NDUFAF2: variants seen among roughly 807,000 people sequenced by gnomAD.
The protein encoded by NDUFAF2 is NADH dehydrogenase [ubiquinone] 1 alpha subcomplex assembly factor 2.
In NDUFAF2, 13 loss-of-function variants were observed where a neutral mutation model predicts 22.8. That is an observed-to-expected ratio of 0.57 (90% CI 0.37 to 0.91). The LOEUF (loss-of-function observed/expected upper bound fraction) is 0.91, where lower values mean the gene tolerates loss of function less well. Ranked by LOEUF, NDUFAF2 falls within the 40% of genes least tolerant of loss-of-function variation. The pLI, the probability that NDUFAF2 is intolerant of heterozygous loss-of-function variation, is 0.01. For missense variants in NDUFAF2, 162 were observed against 195.2 expected (o/e 0.83, Z 1.01); for synonymous variants, 53 against 64.2 (o/e 0.83, Z 0.84).
At chr5:61,147,691 T>C (rs1333746834) in intron 3 of NDUFAF2, among the ~76,000 whole-genome samples, 1 of 152,170 alleles carries the variant, frequency 6.6e-6, no homozygotes, top group Admixed American at 6.5e-5. Context: ...CCATTAGTCA[T>C]ATTTGGCTAT....
intron 1 of NDUFAF2, among the ~76,000 whole-genome samples, chr5:60,950,216 C>T (rs1247400045): frequency 6.6e-5 from 10 of 151,914 alleles, no homozygotes; most frequent in Admixed American, 4.6e-4. Context: ...GGTGGAATTT[C>T]GCTCTCGTTG....
chr5:61,004,744 G>T (rs1477220860), intron 1 of NDUFAF2, among the ~76,000 whole-genome samples: 3 of 151,904 alleles, frequency 2.0e-5, no homozygotes, highest in Non-Finnish European at 2.9e-5. Flanking sequence ...AGCTGTTTCA[G>T]ATCCAAGACA....
At chr5:60,964,495 G>A (rs1017638982) in intron 1 of NDUFAF2, among the ~76,000 whole-genome samples, 1 of 148,720 alleles carries the variant, frequency 6.7e-6, no homozygotes, top group East Asian at 2.0e-4. Flanking sequence ...CTGTTGCCCC[G>A]GCTGGAATAC....
At chr5:60,946,316 GAT>G (rs961764844) in intron 1 of NDUFAF2, among the ~76,000 whole-genome samples, 1 of 152,156 alleles carries the variant, frequency 6.6e-6, no homozygotes, top group African/African-American at 2.4e-5. Context: ...GAAAGTTAGA[GAT>G]AATATAAGAT....
chr5:60,968,141 AGTC>A, intron 1 of NDUFAF2, among the ~76,000 whole-genome samples: 1 of 151,992 alleles, frequency 6.6e-6, no homozygotes, highest in East Asian at 1.9e-4. Context: ...TGTTCATAGT[AGTC>A]TTTTATGATC....
rs573407436 is a variant in NDUFAF2 at position 61,127,696 on chromosome 5, G to A, written c.259-25008G>A. ...ACCCACAGCCAATATCATACTGAATGGGCAAAAACTGGAAGCATTCCCTTT... is the reference window on the plus strand; with the variant it reads ...ACCCACAGCCAATATCATACTGAATAGGCAAAAACTGGAAGCATTCCCTTT... On this transcript the variant is annotated intron_variant, in intron 3 of 3. Coordinates refer to ENST00000296597, the MANE Select transcript of NDUFAF2 (RefSeq NM_174889.5). 3.5e-3 allele frequency among the ~76,000 whole-genome samples: 529 copies of A among 152,190 alleles called. 4 individuals carry two copies. The highest frequency in any genetic ancestry group is 0.012 in the African/African-American group (513 of 41,526).
chr5:61,121,494 G>C (rs1434167572), intron 3 of NDUFAF2, among the ~76,000 whole-genome samples: 1 of 152,104 alleles, frequency 6.6e-6, no homozygotes, highest in Non-Finnish European at 1.5e-5. Context: ...ATTGCTTTCT[G>C]AAACTCTTGT....
chr5:61,109,187 A>G (rs373911430), intron 3 of NDUFAF2, among the ~76,000 whole-genome samples: 2 of 152,044 alleles, frequency 1.3e-5, no homozygotes, highest in Admixed American at 1.3e-4. Flanking sequence ...TGGTTAAGTT[A>G]AATCCTAGGC....
intron 1 of NDUFAF2, among the ~76,000 whole-genome samples, chr5:60,976,539 C>T (rs531150304): frequency 1.3e-5 from 2 of 152,234 alleles, no homozygotes; most frequent in East Asian, 3.9e-4. Flanking sequence ...CTTTGGCTTA[C>T]TTTGTCTCAT....
At chr5:61,098,321 T>C (rs1331094641) in intron 2 of NDUFAF2, among the ~76,000 whole-genome samples, 1 of 152,208 alleles carries the variant, frequency 6.6e-6, no homozygotes, top group African/African-American at 2.4e-5. Flanking sequence ...CTTTAGAATC[T>C]CATAAGCACT....
At chr5:61,127,220 G>A (rs565056571) in intron 3 of NDUFAF2, among the ~76,000 whole-genome samples, 1 of 152,158 alleles carries the variant, frequency 6.6e-6, no homozygotes, top group Admixed American at 6.5e-5. Context: ...AGAAGGAGCT[G>A]GTACCATTCC....
At chr5:61,033,330 G>A (rs1173993833) in intron 1 of NDUFAF2, among the ~76,000 whole-genome samples, 1 of 152,130 alleles carries the variant, frequency 6.6e-6, no homozygotes, top group Non-Finnish European at 1.5e-5. Flanking sequence ...TGTGAAGACA[G>A]TGATGTGAAA....
At chr5:60,966,449 A>G (rs973462725) in intron 1 of NDUFAF2, among the ~76,000 whole-genome samples, 2 of 152,088 alleles carry the variant, frequency 1.3e-5, no homozygotes, top group Admixed American at 6.5e-5. Flanking sequence ...GCCAAGGCCA[A>G]AAAGCATTCC....
chr5:61,045,242 ATAAAATAAAG>A (rs1468516417), intron 1 of NDUFAF2, among the ~76,000 whole-genome samples: 2 of 124,560 alleles, frequency 1.6e-5, no homozygotes, highest in African/African-American at 3.0e-5. Flanking sequence ...TTTTAATAAA[ATAAAATAAAG>A]TTTTATTAAA....
intron 1 of NDUFAF2, among the ~76,000 whole-genome samples, chr5:61,019,570 GA>G (rs1031244559): frequency 6.6e-6 from 1 of 151,862 alleles, no homozygotes; most frequent in African/African-American, 2.4e-5. Context: ...AAGTTTCTTA[GA>G]AAGACTATTT....
intron 1 of NDUFAF2, 89 bp from the exon 2 acceptor site, chr5:61,073,036 T>TA: frequency 2.5e-6 from 2 of 815,002 alleles, no homozygotes; most frequent in East Asian, 2.5e-5. Flanking sequence ...TTTTACTATA[T>TA]AAGGGGTTAT....
At chr5:61,066,044 A>C (rs1053747716) in intron 1 of NDUFAF2, among the ~76,000 whole-genome samples, 7 of 152,074 alleles carry the variant, frequency 4.6e-5, no homozygotes, top group Admixed American at 1.3e-4. Flanking sequence ...ATCAAGATAC[A>C]AAAATTAGCA....
intron 1 of NDUFAF2, among the ~76,000 whole-genome samples, chr5:60,974,411 T>C (rs1750875261): frequency 6.6e-6 from 1 of 152,224 alleles, no homozygotes; most frequent in Non-Finnish European, 1.5e-5. Flanking sequence ...TCCTTGCTCC[T>C]CAGCTTACAG....
chr5:60,947,651 A>G, intron 1 of NDUFAF2, among the ~76,000 whole-genome samples: 1 of 151,936 alleles, frequency 6.6e-6, no homozygotes, highest in East Asian at 1.9e-4. Context: ...CTGTAATCCC[A>G]GCTAGTCGGG....
Sources: allele counts gnomAD v4.1 joint callset (sites outside exome capture counted in the v4.1 genomes callset), GRCh38; gene constraint gnomAD v4.1.1; transcripts MANE v1.5; gene names NCBI Gene and HGNC (gene_info 2026-07-23, HGNC 2026-07-21).